Variants in ALK observed in about 807,000 individuals in gnomAD.
The protein encoded by ALK is ALK tyrosine kinase receptor.
A neutral mutation model predicts 163.1 loss-of-function variants in ALK; 74 were observed. The ratio of observed to expected loss-of-function variants is 0.45; its 90% CI spans 0.38 to 0.55. The LOEUF (loss-of-function observed/expected upper bound fraction) is 0.55, where lower values mean the gene tolerates loss of function less well. Ranked by LOEUF, ALK falls within the 20% of genes least tolerant of loss-of-function variation. The pLI is 0.00. For synonymous variants in ALK, 960 were observed against 843.2 expected (o/e 1.14, Z -2.40); for missense variants, 2,063 against 2,105.3 (o/e 0.98, Z 0.39).
chr2:29,311,283 G>A (rs901907105), intron 8 of ALK, among the ~76,000 whole-genome samples: 1 of 152,204 alleles, frequency 6.6e-6, no homozygotes, highest in African/African-American at 2.4e-5. Flanking sequence ...TGTGACCTAG[G>A]GGATGGAGTG....
intron 3 of ALK, among the ~76,000 whole-genome samples, chr2:29,665,693 C>A (rs1040252871): frequency 6.6e-6 from 1 of 152,092 alleles, no homozygotes; most frequent in Non-Finnish European, 1.5e-5. Context: ...ACACCCACTT[C>A]ATCATTCAGA....
At chr2:29,402,771 C>T (rs898250144) in intron 4 of ALK, among the ~76,000 whole-genome samples, 1 of 152,158 alleles carries the variant, frequency 6.6e-6, no homozygotes, top group African/African-American at 2.4e-5. Context: ...CCAGTTCTCC[C>T]TGAGGTCTGG....
At chr2:29,388,705 A>G (rs1442900540) in intron 4 of ALK, among the ~76,000 whole-genome samples, 3 of 152,236 alleles carry the variant, frequency 2.0e-5, no homozygotes, top group Admixed American at 2.0e-4. Flanking sequence ...TGCTTTCTTC[A>G]TGGAATGACA....
At chr2:29,666,988 G>T (rs940773872) in intron 3 of ALK, among the ~76,000 whole-genome samples, 20 of 151,998 alleles carry the variant, frequency 1.3e-4, no homozygotes, top group Non-Finnish European at 2.6e-4. Flanking sequence ...ACTGTCTTCA[G>T]TTCCATCCAT....
At chr2:29,326,951 C>A (rs1247771742) in intron 6 of ALK, among the ~76,000 whole-genome samples, 1 of 152,184 alleles carries the variant, frequency 6.6e-6, no homozygotes, top group Admixed American at 6.5e-5. Flanking sequence ...CTCCTCCTTC[C>A]CCAGTCCAGG....
chr2:29,637,014 G>A (rs1206134102), intron 3 of ALK, among the ~76,000 whole-genome samples: 1 of 152,166 alleles, frequency 6.6e-6, no homozygotes, highest in African/African-American at 2.4e-5. Flanking sequence ...CAGCCACTCT[G>A]GAAGACAGTT....
intron 4 of ALK, among the ~76,000 whole-genome samples, chr2:29,392,979 A>ACTGAGT (rs1553310568): frequency 6.6e-6 from 1 of 151,506 alleles, no homozygotes; most frequent in African/African-American, 2.4e-5. Context: ...GATCACTCAA[A>ACTGAGT]GTTCAAGGTC....
intron 3 of ALK, among the ~76,000 whole-genome samples, chr2:29,534,735 T>C (rs1317650257): frequency 1.3e-5 from 2 of 152,234 alleles, no homozygotes; most frequent in Admixed American, 1.3e-4. Flanking sequence ...TGTTGAGGTA[T>C]TGGACTAGGG....
chr2:29,519,623 T>A (rs1672760000), intron 4 of ALK, among the ~76,000 whole-genome samples: 1 of 152,152 alleles, frequency 6.6e-6, no homozygotes, highest in African/African-American at 2.4e-5. Flanking sequence ...TTAGACAAGG[T>A]GGCAGAGGTT....
In ALK at chr2:29,389,589, C is replaced by G. The variant is rs11681002; in HGVS notation, c.1155-5730G>C. ...CACATGTCTCCAATGCCTTATACAT[C>G]GTAGACACTCAAAAAATATTTGTTG... On this transcript the variant is annotated intron_variant, in intron 4 of 28. Transcript: ENST00000389048. Among the ~76,000 whole-genome samples the G allele has an allele frequency of 7.9e-5, 12 of 152,236 alleles. No homozygotes were observed. The South Asian group carries it at 2.5e-3, about 32-fold the overall frequency.
At chr2:29,821,039 G>A (rs1665033686) in intron 1 of ALK, among the ~76,000 whole-genome samples, 2 of 152,202 alleles carry the variant, frequency 1.3e-5, no homozygotes, top group Non-Finnish European at 2.9e-5. Context: ...GAGCTTGCCC[G>A]AGTGAGGGCG....
Position 29,560,313 on chromosome 2 carries a change from G to A in ALK, c.953-28197C>T, listed in dbSNP as rs1673984553. On this transcript the variant is annotated intron_variant, in intron 3 of 28. Transcript: ENST00000389048. ...GATACATGATACAATATATATGAAG[G>A]CCAAAAACACTAGGCTAAATGAAAG... Among the ~76,000 whole-genome samples the A allele has an allele frequency of 2.0e-5, 3 of 152,034 alleles. No individual in the cohort carries two copies. The South Asian group carries it at 6.2e-4, about 32-fold the overall frequency.
intron 1 of ALK, among the ~76,000 whole-genome samples, chr2:29,747,183 G>A (rs186623845): frequency 1.3e-4 from 20 of 152,246 alleles, no homozygotes; most frequent in Admixed American, 5.2e-4. Context: ...CTCTCAAACT[G>A]TCCTATGGAA....
At chr2:29,445,746 G>A (rs373868968) in intron 4 of ALK, among the ~76,000 whole-genome samples, 4 of 151,472 alleles carry the variant, frequency 2.6e-5, no homozygotes, top group Non-Finnish European at 4.4e-5. Flanking sequence ...CACTTGAAAC[G>A]GGGAGGTGGA....
At chr2:29,412,700 T>C (rs1036268770) in intron 4 of ALK, among the ~76,000 whole-genome samples, 3 of 152,206 alleles carry the variant, frequency 2.0e-5, no homozygotes, top group Admixed American at 1.3e-4. Flanking sequence ...TCATATTATG[T>C]GATGAATAAT....
At chr2:29,831,606 A>ATTTACT (rs1366646091) in intron 1 of ALK, among the ~76,000 whole-genome samples, 6 of 152,110 alleles carry the variant, frequency 3.9e-5, no homozygotes, top group African/African-American at 1.4e-4. Flanking sequence ...CATCACTATA[A>ATTTACT]TTTACAACTT....
At chr2:29,797,994 G>A (rs2148362036) in intron 1 of ALK, among the ~76,000 whole-genome samples, 1 of 152,268 alleles carries the variant, frequency 6.6e-6, no homozygotes, top group South Asian at 2.1e-4. Flanking sequence ...TTCCTGGTTA[G>A]TAAGGAAGTC....
At chr2:29,849,102 G>T (rs541894480) in intron 1 of ALK, among the ~76,000 whole-genome samples, 1 of 152,010 alleles carries the variant, frequency 6.6e-6, no homozygotes, top group Admixed American at 6.5e-5. Context: ...CACAGGACCC[G>T]CCTGCTCTTC....
intron 4 of ALK, among the ~76,000 whole-genome samples, chr2:29,439,732 C>T (rs964329683): frequency 1.3e-5 from 2 of 150,284 alleles, no homozygotes; most frequent in Non-Finnish European, 2.9e-5. Context: ...AGAGAGAAGG[C>T]CATGTCAGGC....
Sources: gnomAD v4.1 joint callset for allele counts (sites outside exome capture counted in the v4.1 genomes callset) on GRCh38, gnomAD v4.1.1 for gene constraint, MANE v1.5 for transcripts, NCBI Gene and HGNC (gene_info 2026-07-23, HGNC 2026-07-21) for gene names.